LRP1B: variants seen among roughly 807,000 people sequenced by gnomAD.
LRP1B encodes LDL receptor related protein 1B.
In LRP1B, 217 loss-of-function variants were observed where a neutral mutation model predicts 556.6. The observed-to-expected ratio is 0.39, with a 90% CI of 0.35 to 0.44. The LOEUF is 0.44. Among genes scored for constraint, LRP1B ranks in the 20% least tolerant of loss-of-function variants. The pLI is 1.00. For synonymous variants in LRP1B, 2,047 were observed against 1,865.8 expected (o/e 1.10, Z -2.50); for missense variants, 5,053 against 5,620.8 (o/e 0.90, Z 3.23).
At chr2:140,627,171 C>G (rs1683693722) in intron 41 of LRP1B, among the ~76,000 whole-genome samples, 1 of 152,128 alleles carries the variant, frequency 6.6e-6, no homozygotes, top group Non-Finnish European at 1.5e-5. Flanking sequence ...ATATTACAGA[C>G]AAATTGTTTA....
chr2:140,324,654 GATTT>G (rs1291906166), intron 80 of LRP1B, among the ~76,000 whole-genome samples: 4 of 151,946 alleles, frequency 2.6e-5, no homozygotes, highest in South Asian at 4.2e-4. Flanking sequence ...CACATCTTGT[GATTT>G]ATTTTCAGAG....
At chr2:140,687,467 A>G (rs965575114) in intron 41 of LRP1B, among the ~76,000 whole-genome samples, 9 of 152,196 alleles carry the variant, frequency 5.9e-5, no homozygotes, top group East Asian at 1.9e-4. Flanking sequence ...AAGATTTGGC[A>G]TATAATCTCA....
chr2:141,237,391 A>G (rs1683689357), intron 5 of LRP1B, among the ~76,000 whole-genome samples: 1 of 147,002 alleles, frequency 6.8e-6, no homozygotes, highest in African/African-American at 2.5e-5. Flanking sequence ...TTCTATATAG[A>G]GACGGGGTCT....
rs139451417 is a variant in LRP1B, at chr2:142,037,099, A to C, written c.82+93549T>G. 1.7e-3 allele frequency among the ~76,000 whole-genome samples: 265 copies of C among 151,792 alleles called. 2 individuals are homozygous for C. The highest frequency in any genetic ancestry group is 5.8e-3 in the African/African-American group (240 of 41,484). On this transcript the variant is annotated intron_variant, in intron 1 of 90. Transcript: ENST00000389484. Reference sequence around the variant, plus strand: ...AGACCTTTTCTTTATTCACGTTCATAAATGCCTGAAGTGCAGAAATGGTCA... The same window carrying C: ...AGACCTTTTCTTTATTCACGTTCATCAATGCCTGAAGTGCAGAAATGGTCA...
At chr2:141,999,108 T>C (rs752812512) in intron 1 of LRP1B, among the ~76,000 whole-genome samples, 2 of 152,056 alleles carry the variant, frequency 1.3e-5, no homozygotes, top group Non-Finnish European at 2.9e-5. Context: ...TAGCCTAGAG[T>C]CAGGATGGAA....
At chr2:141,568,923 T>TC (rs1195196334) in intron 2 of LRP1B, among the ~76,000 whole-genome samples, 2 of 149,678 alleles carry the variant, frequency 1.3e-5, no homozygotes, top group African/African-American at 2.4e-5. Context: ...CCAGTTAATT[T>TC]TTTTTTTTTT....
intron 23 of LRP1B, among the ~76,000 whole-genome samples, chr2:140,891,627 A>G (rs748523975): frequency 1.3e-5 from 2 of 152,076 alleles, no homozygotes; most frequent in Non-Finnish European, 2.9e-5. Context: ...TATCTGGCCC[A>G]ATATATATCA....
At chr2:141,984,417 G>A (rs575241475) in intron 1 of LRP1B, among the ~76,000 whole-genome samples, 1 of 152,206 alleles carries the variant, frequency 6.6e-6, no homozygotes, top group African/African-American at 2.4e-5. Context: ...ATTTTGAAGA[G>A]ACCAGCTCAA....
intron 1 of LRP1B, among the ~76,000 whole-genome samples, chr2:142,118,336 C>T (rs1355410071): frequency 6.6e-6 from 1 of 152,068 alleles, no homozygotes; most frequent in Admixed American, 6.6e-5. Context: ...ATAGCTTCAG[C>T]CTCTGAAAGT....
chr2:141,339,486 A>C (rs935111813), intron 3 of LRP1B, among the ~76,000 whole-genome samples: 5 of 152,294 alleles, frequency 3.3e-5, no homozygotes, highest in Admixed American at 1.3e-4. Context: ...CCAGTCAGCA[A>C]GTTAAACATC....
intron 7 of LRP1B, among the ~76,000 whole-genome samples, chr2:141,087,491 T>A (rs1227314091): frequency 2.0e-5 from 3 of 152,176 alleles, no homozygotes; most frequent in African/African-American, 7.2e-5. Flanking sequence ...CTACTTCAGG[T>A]TAATCCAACC....
intron 1 of LRP1B, among the ~76,000 whole-genome samples, chr2:142,120,170 G>A (rs1485298973): frequency 6.6e-6 from 1 of 152,112 alleles, no homozygotes; most frequent in African/African-American, 2.4e-5. Context: ...GGAGTGCTGT[G>A]GCACAATCTC....
At chr2:141,211,847 T>C (rs925020173) in intron 6 of LRP1B, among the ~76,000 whole-genome samples, 11 of 152,222 alleles carry the variant, frequency 7.2e-5, no homozygotes, top group African/African-American at 2.7e-4. Context: ...TAATTGTAAC[T>C]GTCCTTTTTT....
intron 2 of LRP1B, among the ~76,000 whole-genome samples, chr2:141,486,274 T>A (rs11887304): frequency 4.7e-4 from 71 of 152,240 alleles, no homozygotes; most frequent in Non-Finnish European, 8.8e-4. Context: ...TTAGTCAAAA[T>A]AGATTTCACT....
chr2:141,828,556 G>T (rs1182412702), intron 1 of LRP1B, among the ~76,000 whole-genome samples: 1 of 152,146 alleles, frequency 6.6e-6, no homozygotes, highest in African/African-American at 2.4e-5. Context: ...GACTCAGGGT[G>T]CTTCCTAAAA....
At chr2:140,615,696 A>G (rs995134540) in intron 41 of LRP1B, among the ~76,000 whole-genome samples, 2 of 151,894 alleles carry the variant, frequency 1.3e-5, no homozygotes, top group Non-Finnish European at 2.9e-5. Flanking sequence ...CTGTTTGTCA[A>G]CTCCTCCAAT....
chr2:140,720,961 T>C (rs1044238537), intron 35 of LRP1B, among the ~76,000 whole-genome samples: 1 of 152,184 alleles, frequency 6.6e-6, no homozygotes, highest in Non-Finnish European at 1.5e-5. Context: ...TTCTTATCAC[T>C]GTTCTGCATT....
intron 3 of LRP1B, among the ~76,000 whole-genome samples, chr2:141,339,831 T>C (rs149390363): frequency 6.6e-6 from 1 of 152,282 alleles, no homozygotes; most frequent in Non-Finnish European, 1.5e-5. Flanking sequence ...GTCTGTTACA[T>C]GGACATATTG....
chr2:141,172,242 A>T (rs1487905134), intron 7 of LRP1B, among the ~76,000 whole-genome samples: 1 of 152,048 alleles, frequency 6.6e-6, no homozygotes, highest in African/African-American at 2.4e-5. Flanking sequence ...GAGGCAGGCC[A>T]GGATGCTCCA....
Sources: gnomAD v4.1 joint callset for allele counts (sites outside exome capture counted in the v4.1 genomes callset) on GRCh38, gnomAD v4.1.1 for gene constraint, MANE v1.5 for transcripts, NCBI Gene and HGNC (gene_info 2026-07-23, HGNC 2026-07-21) for gene names.